Variants in GAS7 observed in about 807,000 individuals in gnomAD.
GAS7 encodes growth arrest-specific protein 7.
Under a neutral mutation model 71.1 loss-of-function variants are expected in GAS7, and 28 were observed. The ratio of observed to expected loss-of-function variants is 0.39; its 90% confidence interval spans 0.29 to 0.54. The LOEUF (loss-of-function observed/expected upper bound fraction) is 0.54, where lower values mean the gene tolerates loss of function less well. GAS7 is among the 20% of genes least tolerant of loss of function. GAS7 has a pLI of 0.62. For missense variants in GAS7, 436 were observed against 627.8 expected, an observed-to-expected ratio of 0.69 and a Z score of 3.27; for synonymous variants, 258 against 245.8, an observed-to-expected ratio of 1.05 and a Z score of -0.46.
intron 1 of GAS7, among the ~76,000 whole-genome samples, chr17:10,058,188 A>G (rs1190656983): frequency 6.6e-6 from 1 of 152,158 alleles, no homozygotes; most frequent in Non-Finnish European, 1.5e-5. Context: ...TCCCTCCACT[A>G]TTGTCCTATG....
chr17:10,047,615 G>A (rs990679971), intron 1 of GAS7, among the ~76,000 whole-genome samples: 6 of 152,108 alleles, frequency 3.9e-5, no homozygotes, highest in Non-Finnish European at 8.8e-5. Context: ...AAAACTGTCA[G>A]GAAACTGTCA....
chr17:10,137,961 GT>G (rs796625229), intron 1 of GAS7, among the ~76,000 whole-genome samples: 19 of 148,692 alleles, frequency 1.3e-4, no homozygotes, highest in African/African-American at 3.7e-4. Context: ...TTTTTTCAAG[GT>G]TTTTTTTTTC....
At chr17:10,058,384 G>A (rs751233748) in intron 1 of GAS7, among the ~76,000 whole-genome samples, 18 of 152,140 alleles carry the variant, frequency 1.2e-4, no homozygotes, top group South Asian at 8.3e-4. Context: ...ACCCAGAGGC[G>A]GAGCTTGCAG....
intron 8 of GAS7, among the ~76,000 whole-genome samples, chr17:9,937,289 G>T (rs1250478202): frequency 6.6e-6 from 1 of 152,248 alleles, no homozygotes; most frequent in Non-Finnish European, 1.5e-5. Context: ...TTATGGAGCT[G>T]GACTGCTCGG....
In GAS7 at chr17:9,926,683, G is replaced by A. The variant is rs563959534; in HGVS notation, c.972C>T (p.Asp324=). ...AGCGGCTGGCGAGCTGCTTGCGAAGGTCGGCAATGTGGTGGTCGCACTTCT... is the reference window on the plus strand; with the variant it reads ...AGCGGCTGGCGAGCTGCTTGCGAAGATCGGCAATGTGGTGGTCGCACTTCT... ...DMKKCDHHIA[D]LRKQLASRYA... The change falls in exon 10 of 14, where the codon GAC becomes GAT. Residue 324 remains aspartate (D), a synonymous_variant. Coordinates refer to ENST00000432992, the MANE Select transcript of GAS7 (RefSeq NM_201433.2). The surrounding 1 kb of genome is among the most constrained non-coding windows in gnomAD (Gnocchi z 5.0). The A allele has an allele frequency of 3.7e-6, 6 of 1,613,896 alleles. No individual in the cohort carries two copies. The African/African-American group carries it at 6.7e-5, about 18-fold the overall frequency.
chr17:9,963,658 A>G (rs2069591434), intron 4 of GAS7, among the ~76,000 whole-genome samples: 1 of 152,126 alleles, frequency 6.6e-6, no homozygotes, highest in African/African-American at 2.4e-5. Flanking sequence ...GCTTGAGCCC[A>G]GGAGTTCTAG....
In GAS7 at chr17:9,969,891, C is replaced by A; in HGVS notation, c.386-129G>T. Reference sequence around the variant, plus strand: ...AGAGGTCTTGCGTGGCGAAGACCATCCCTCAGGATCTGATCTTATCTGTAT... The same window carrying A: ...AGAGGTCTTGCGTGGCGAAGACCATACCTCAGGATCTGATCTTATCTGTAT... On this transcript the variant is annotated intron_variant, in intron 3 of 13. Transcript: ENST00000432992. The surrounding 1 kb of genome is among the most constrained non-coding windows in gnomAD (Gnocchi z 5.5). 1 of 651,736 alleles carries A rather than the reference C, an allele frequency of 1.5e-6. No individual in the cohort carries two copies. 40.4% of individuals were successfully genotyped at this position (651,736 alleles called of 1,614,324 possible). A position where few individuals can be genotyped will look rare whatever the true frequency, so the allele number is the denominator to read the frequency against.
rs554543065 is a variant in GAS7, at chr17:10,130,699, T to C, written c.183+67509A>G. Among the ~76,000 whole-genome samples the C allele has an allele frequency of 2.0e-5, 3 of 152,316 alleles. No homozygotes were observed. The East Asian group carries it at 5.8e-4, about 29-fold the overall frequency. Reference sequence around the variant, plus strand: ...AAAGAAATGAAGTCCTAATACATGCTACAAGGAGAAAGAGCCTCAAAAACA... The same window carrying C: ...AAAGAAATGAAGTCCTAATACATGCCACAAGGAGAAAGAGCCTCAAAAACA... On this transcript the variant is annotated intron_variant, in intron 1 of 13. Coordinates refer to ENST00000432992, the MANE Select transcript of GAS7 (RefSeq NM_201433.2).
chr17:10,196,259 C>G (rs1194455797), intron 1 of GAS7, among the ~76,000 whole-genome samples: 3 of 152,202 alleles, frequency 2.0e-5, no homozygotes. Context: ...ACAAAACACG[C>G]AAGCATTACT....
At chr17:9,942,991 GCCGC>G (rs2068657848) in intron 7 of GAS7, 126 bp downstream of exon 7, 3 of 591,726 alleles carry the variant, frequency 5.1e-6, no homozygotes, top group Non-Finnish European at 9.2e-6. Flanking sequence ...CCATGAGTTT[GCCGC>G]CTGGCGCTAA....
chr17:9,933,897 C>T (rs1358395232), intron 9 of GAS7, among the ~76,000 whole-genome samples: 1 of 151,986 alleles, frequency 6.6e-6, no homozygotes, highest in African/African-American at 2.4e-5. Flanking sequence ...TAGCACTTAC[C>T]ACCTCCTAAC....
chr17:10,050,738 G>A (rs912978135), intron 1 of GAS7, among the ~76,000 whole-genome samples: 3 of 152,156 alleles, frequency 2.0e-5, no homozygotes, highest in Non-Finnish European at 4.4e-5. Flanking sequence ...GTGTATACAC[G>A]AGGGGTGAAG....
At chr17:10,143,316 G>A (rs1262299353) in intron 1 of GAS7, among the ~76,000 whole-genome samples, 1 of 151,864 alleles carries the variant, frequency 6.6e-6, no homozygotes, top group Non-Finnish European at 1.5e-5. Context: ...AGAGGTGGGT[G>A]GATCACCTGA....
At chr17:10,023,969 C>T (rs1243551859) in intron 1 of GAS7, among the ~76,000 whole-genome samples, 1 of 151,906 alleles carries the variant, frequency 6.6e-6, no homozygotes, top group Admixed American at 6.6e-5. Context: ...ACTAAAAATA[C>T]AAAAATTAGC....
Position 9,914,780 on chromosome 17 carries a change from A to G in GAS7, c.*2448T>C, listed in dbSNP as rs975343998. 1 of 228,410 alleles carries G rather than the reference A, an allele frequency of 4.4e-6. No homozygotes were observed. The highest frequency in any genetic ancestry group is 5.7e-5 in the Admixed American group (1 of 17,644). 14.1% of individuals were successfully genotyped at this position (228,410 alleles called of 1,614,324 possible). A position where few individuals can be genotyped will look rare whatever the true frequency, so the allele number is the denominator to read the frequency against. Reference sequence around the variant, plus strand: ...AATAGAGGAGAGCAGAGGAATGCCCATCTTACATACAACTAGAGCGCCGCT... The same window carrying G: ...AATAGAGGAGAGCAGAGGAATGCCCGTCTTACATACAACTAGAGCGCCGCT... On this transcript the variant is annotated 3_prime_UTR_variant, in exon 14 of 14. Coordinates refer to ENST00000432992, the MANE Select transcript of GAS7 (RefSeq NM_201433.2).
Position 9,938,511 on chromosome 17 carries a change from C to CCT in GAS7, c.806+1613_806+1614dup, listed in dbSNP as rs368648434. Among the ~76,000 whole-genome samples the CCT allele has an allele frequency of 3.9e-3, 571 of 147,636 alleles. 6 individuals are homozygous for CCT. Among genetic ancestry groups the CCT allele is most frequent in the African/African-American group, 0.013 (531 of 40,240 alleles). On this transcript the variant is annotated intron_variant, in intron 8 of 13. Transcript: ENST00000432992. ...AAAAAAAATAGACATCACAGAGCTC[C>CCT]CTCTCTCTCTCTCTCTGAGCACACA...
At chr17:9,930,211 T>C (rs1169459839) in intron 9 of GAS7, among the ~76,000 whole-genome samples, 1 of 152,200 alleles carries the variant, frequency 6.6e-6, no homozygotes, top group Non-Finnish European at 1.5e-5. Context: ...CAGCTACAGA[T>C]GTGTGTGAAT....
intron 2 of GAS7, among the ~76,000 whole-genome samples, chr17:9,993,433 C>A (rs1384509967): frequency 6.6e-6 from 1 of 152,164 alleles, no homozygotes. Flanking sequence ...ATGTCCTTTG[C>A]CCACTTTTTG....
chr17:10,193,451 G>A lies in GAS7; in HGVS notation c.183+4757C>T, dbSNP rs532505936. 3.3e-5 allele frequency among the ~76,000 whole-genome samples: 5 copies of A among 152,108 alleles called. No homozygotes were observed. The South Asian group carries it at 1.0e-3, about 32-fold the overall frequency. On this transcript the variant is annotated intron_variant, in intron 1 of 13. Transcript: ENST00000432992. ...GGAGCTAGTCTGCAATATGGCCCTC[G>A]ATGAACCACGCCTCCCTCATAACCG...
Sources: allele counts gnomAD v4.1 joint callset (sites outside exome capture counted in the v4.1 genomes callset), GRCh38; gene constraint gnomAD v4.1.1; non-coding constraint Gnocchi (gnomAD v3.1); transcripts MANE v1.5; gene names NCBI Gene and HGNC (gene_info 2026-07-23, HGNC 2026-07-21).